CA10: variants seen among roughly 807,000 people sequenced by gnomAD.
CA10 encodes the protein carbonic anhydrase-related protein 10.
A neutral mutation model predicts 44.2 loss-of-function variants in CA10; 14 were observed. The ratio of observed to expected loss-of-function variants is 0.32; its 90% CI spans 0.21 to 0.50. CA10 has a LOEUF of 0.50. Ranked by LOEUF, CA10 falls within the 20% of genes least tolerant of loss-of-function variation. The pLI, the probability that CA10 is intolerant of heterozygous loss-of-function variation, is 0.99. For missense variants in CA10, 350 were observed against 409.7 expected (o/e 0.85, Z 1.26); for synonymous variants, 159 against 141.6 (o/e 1.12, Z -0.87).
intron 4 of CA10, among the ~76,000 whole-genome samples, chr17:51,670,809 C>T (rs970580160): frequency 6.6e-6 from 1 of 152,146 alleles, no homozygotes; most frequent in Admixed American, 6.5e-5. Flanking sequence ...AACCTTATCA[C>T]CTCCAATTTA....
intron 3 of CA10, among the ~76,000 whole-genome samples, chr17:51,786,206 T>TTGTGTGTGTG (rs775761105): frequency 4.5e-4 from 56 of 123,834 alleles, no homozygotes; most frequent in African/African-American, 1.3e-3. Context: ...TCTAACATCT[T>TTGTGTGTGTG]TGTGTGTCTG....
At chr17:51,692,721 A>C (rs987139103) in intron 4 of CA10, among the ~76,000 whole-genome samples, 4 of 152,200 alleles carry the variant, frequency 2.6e-5, no homozygotes, top group Non-Finnish European at 5.9e-5. Flanking sequence ...GGTGTTTCTA[A>C]GTTTTCACAA....
chr17:51,824,026 T>A (rs1818009887), intron 3 of CA10, among the ~76,000 whole-genome samples: 1 of 152,246 alleles, frequency 6.6e-6, no homozygotes, highest in Non-Finnish European at 1.5e-5. Flanking sequence ...CATATTATTT[T>A]TACTGATCAT....
intron 2 of CA10, among the ~76,000 whole-genome samples, chr17:51,982,638 T>C (rs541122453): frequency 9.3e-4 from 142 of 152,028 alleles, no homozygotes; most frequent in African/African-American, 3.2e-3. Context: ...ATTTGGAATG[T>C]TTTCTCTCTC....
At chr17:51,697,191 C>T (rs925042084) in intron 4 of CA10, among the ~76,000 whole-genome samples, 1 of 152,014 alleles carries the variant, frequency 6.6e-6, no homozygotes, top group African/African-American at 2.4e-5. Context: ...CTTTGCCTTC[C>T]TATCAGTAAA....
intron 4 of CA10, among the ~76,000 whole-genome samples, chr17:51,665,740 C>T (rs773199478): frequency 1.1e-4 from 17 of 152,122 alleles, no homozygotes; most frequent in Admixed American, 2.6e-4. Context: ...TGTATCTAAA[C>T]GTAGAAAAGG....
intron 3 of CA10, among the ~76,000 whole-genome samples, chr17:51,890,250 T>C (rs1598102495): frequency 6.6e-6 from 1 of 152,146 alleles, no homozygotes; most frequent in Non-Finnish European, 1.5e-5. Flanking sequence ...GTAGGCAGGG[T>C]GTGTAGAATC....
At chr17:51,702,213 C>T (rs992133547) in intron 4 of CA10, among the ~76,000 whole-genome samples, 14 of 152,122 alleles carry the variant, frequency 9.2e-5, no homozygotes, top group African/African-American at 3.4e-4. Context: ...CAGCACTGTG[C>T]AAGATAGATA....
chr17:51,673,704 G>A (rs889008246), intron 4 of CA10, among the ~76,000 whole-genome samples: 1 of 152,148 alleles, frequency 6.6e-6, no homozygotes, highest in African/African-American at 2.4e-5. Flanking sequence ...GTCTCTCGAA[G>A]CCAGTCTCTC....
intron 2 of CA10, among the ~76,000 whole-genome samples, chr17:52,005,615 T>G (rs897459113): frequency 2.0e-4 from 30 of 152,046 alleles, no homozygotes; most frequent in African/African-American, 7.2e-4. Flanking sequence ...TCAAAGCCAT[T>G]TCATGGATTG....
chr17:52,128,913 C>T (rs1989174453), intron 1 of CA10, among the ~76,000 whole-genome samples: 1 of 152,164 alleles, frequency 6.6e-6, no homozygotes. Flanking sequence ...TGCTCTAATT[C>T]CCATGGGTGA....
chr17:51,717,529 GTATATATA>G (rs3031848), intron 4 of CA10, among the ~76,000 whole-genome samples: 18,138 of 50,040 alleles, frequency 0.36, 4,788 homozygotes, highest in East Asian at 0.61. Context: ...AAAGAAACTG[GTATATATA>G]TATATATATA....
At chr17:51,900,114 C>T (rs1394071337) in intron 3 of CA10, among the ~76,000 whole-genome samples, 1 of 151,986 alleles carries the variant, frequency 6.6e-6, no homozygotes, top group African/African-American at 2.4e-5. Context: ...TGTATAGTGG[C>T]TTTATAGTGT....
intron 3 of CA10, among the ~76,000 whole-genome samples, chr17:51,801,436 G>A (rs1486227059): frequency 1.3e-5 from 2 of 151,984 alleles, no homozygotes; most frequent in Non-Finnish European, 2.9e-5. Flanking sequence ...GGCTGTCATG[G>A]GCTTTCTTAA....
chr17:52,066,225 C>T (rs1285261545), intron 2 of CA10, among the ~76,000 whole-genome samples: 1 of 152,144 alleles, frequency 6.6e-6, no homozygotes, highest in African/African-American at 2.4e-5. Flanking sequence ...AACTGGGTAA[C>T]AGGCAGAGGT....
chr17:52,053,750 C>T (rs1013460557), intron 2 of CA10, among the ~76,000 whole-genome samples: 2 of 152,080 alleles, frequency 1.3e-5, no homozygotes, highest in African/African-American at 4.8e-5. Context: ...GGCAGAAGAA[C>T]ATAAATTGTG....
At chr17:51,632,399 T>C (rs556815678) in intron 8 of CA10, among the ~76,000 whole-genome samples, 1 of 152,206 alleles carries the variant, frequency 6.6e-6, no homozygotes, top group South Asian at 2.1e-4. Context: ...AAATATGTAG[T>C]TTGGGCATGC....
At chr17:52,045,886 T>C (rs1815504261) in intron 2 of CA10, among the ~76,000 whole-genome samples, 2 of 151,966 alleles carry the variant, frequency 1.3e-5, no homozygotes, top group African/African-American at 2.4e-5. Flanking sequence ...TTAAGACGTA[T>C]GACAATCACA....
chr17:52,082,101 A>G (rs1987999077), intron 1 of CA10, among the ~76,000 whole-genome samples: 1 of 152,240 alleles, frequency 6.6e-6, no homozygotes, highest in African/African-American at 2.4e-5. Flanking sequence ...TTTGTCTTCC[A>G]TAATGCAACA....
Sources: gnomAD v4.1 joint callset for allele counts (sites outside exome capture counted in the v4.1 genomes callset) on GRCh38, gnomAD v4.1.1 for gene constraint, MANE v1.5 for transcripts, NCBI Gene and HGNC (gene_info 2026-07-23, HGNC 2026-07-21) for gene names.